The following GALNT18 variants were observed in gnomAD, a reference collection of about 807,000 sequenced individuals.
The protein encoded by GALNT18 is polypeptide N-acetylgalactosaminyltransferase 18.
In GALNT18, 44 loss-of-function variants were observed where a neutral mutation model predicts 69.5. The observed-to-expected ratio is 0.63, with a 90% CI of 0.50 to 0.81. The LOEUF is 0.81. Ranked by LOEUF, GALNT18 falls within the 40% of genes least tolerant of loss-of-function variation. The pLI is 0.00. For missense variants in GALNT18, 715 were observed against 810.0 expected (o/e 0.88, Z 1.42); for synonymous variants, 364 against 318.2 (o/e 1.14, Z -1.53).
chr11:11,356,156 CT>C lies in GALNT18; in HGVS notation c.1093-15153del, dbSNP rs1356949691. Among the ~76,000 whole-genome samples the C allele has an allele frequency of 3.9e-5, 6 of 152,308 alleles. No individual in the cohort carries two copies. The East Asian group carries it at 5.8e-4, about 15-fold the overall frequency. ...AGAACATTTGTATTTGGAGATGCCC[CT>C]GACCCCTCCTTCTGCAACTTCAGAT... On this transcript the variant is annotated intron_variant, in intron 6 of 10. Coordinates refer to ENST00000227756, the MANE Select transcript of GALNT18 (RefSeq NM_198516.3). The surrounding 1 kb of genome is among the most constrained non-coding windows in gnomAD (Gnocchi z 4.4).
chr11:11,530,273 T>C (rs371411256), intron 1 of GALNT18, among the ~76,000 whole-genome samples: 7 of 152,134 alleles, frequency 4.6e-5, no homozygotes, highest in Admixed American at 1.3e-4. Flanking sequence ...TTAAGGCAAT[T>C]TTTTTTAAGT....
chr11:11,349,153 T>C (rs1850354861), intron 6 of GALNT18, among the ~76,000 whole-genome samples: 1 of 152,242 alleles, frequency 6.6e-6, no homozygotes, highest in Admixed American at 6.5e-5. Context: ...TTTATTTTCA[T>C]CACCATAGTG....
chr11:11,464,072 T>G (rs924957439), intron 1 of GALNT18, among the ~76,000 whole-genome samples: 1 of 152,128 alleles, frequency 6.6e-6, no homozygotes, highest in African/African-American at 2.4e-5. Context: ...ACGTCCAAGA[T>G]GTAGTGAATG....
intron 1 of GALNT18, among the ~76,000 whole-genome samples, chr11:11,609,175 C>T (rs560085616): frequency 1.3e-5 from 2 of 152,342 alleles, no homozygotes; most frequent in East Asian, 3.9e-4. Flanking sequence ...CCTCTCTGCT[C>T]ACCCCCTCTG....
In GALNT18 at chr11:11,453,272, C is replaced by T. The variant is rs114192874; in HGVS notation, c.236-4336G>A. 1.9e-3 allele frequency among the ~76,000 whole-genome samples: 292 copies of T among 152,278 alleles called. 2 individuals are homozygous for T. The highest frequency in any genetic ancestry group is 6.9e-3 in the African/African-American group (287 of 41,542). On this transcript the variant is annotated intron_variant, in intron 1 of 10. Transcript: ENST00000227756. ...GCCACGTCCTTCTCTGATCAGAACCCTCCAAGGGCCTTCCGCCACCTTCTT... is the reference window on the plus strand; with the variant it reads ...GCCACGTCCTTCTCTGATCAGAACCTTCCAAGGGCCTTCCGCCACCTTCTT...
intron 1 of GALNT18, among the ~76,000 whole-genome samples, chr11:11,481,222 C>T (rs1856521068): frequency 6.6e-6 from 1 of 152,164 alleles, no homozygotes; most frequent in Non-Finnish European, 1.5e-5. Context: ...TCTGCAAATT[C>T]CCATGAGAAG....
intron 6 of GALNT18, among the ~76,000 whole-genome samples, chr11:11,348,441 G>A (rs1850342157): frequency 6.7e-6 from 1 of 148,174 alleles, no homozygotes; most frequent in African/African-American, 2.5e-5. Context: ...CAACACAAAA[G>A]CCAGAGGCCA....
At position 11,435,094 on chromosome 11, in the gene GALNT18, G is replaced by A. The variant is rs2133799023; in HGVS notation, c.429-2307C>T. Among the ~76,000 whole-genome samples the A allele has an allele frequency of 6.6e-6, 1 of 152,294 alleles. No individual in the cohort carries two copies. The highest frequency in any genetic ancestry group is 2.4e-5 in the African/African-American group (1 of 41,556). ...CAGCTCCCAAGAAGGCCAATGGATT[G>A]GCACAAGTTCACTGTCCTCCCTACT... On this transcript the variant is annotated intron_variant, in intron 2 of 10. Coordinates refer to ENST00000227756, the MANE Select transcript of GALNT18 (RefSeq NM_198516.3). The surrounding 1 kb of genome is among the most constrained non-coding windows in gnomAD (Gnocchi z 4.4).
chr11:11,575,588 G>A (rs1218699901), intron 1 of GALNT18, among the ~76,000 whole-genome samples: 1 of 152,194 alleles, frequency 6.6e-6, no homozygotes, highest in Non-Finnish European at 1.5e-5. Flanking sequence ...TCGGGCAAAC[G>A]TTGAATTGAG....
rs75778376 is a variant in GALNT18 at position 11,584,578 on chromosome 11, C to T, written c.235+36781G>A. On this transcript the variant is annotated intron_variant, in intron 1 of 10. Transcript: ENST00000227756. This position sits in a 1 kb window ranked among gnomAD's most constrained non-coding sequence, Gnocchi z 4.1. ...TGAAACACCCACAGAGAGCCGTTTGCCCCTTGAGATTCCTGAGGAGTGTGG... is the reference window on the plus strand; with the variant it reads ...TGAAACACCCACAGAGAGCCGTTTGTCCCTTGAGATTCCTGAGGAGTGTGG... Among the ~76,000 whole-genome samples, 264 of 152,256 alleles carry T rather than the reference C, an allele frequency of 1.7e-3. 2 individuals are homozygous for T. In the East Asian group the frequency reaches 0.042, roughly 24 times the overall value.
intron 2 of GALNT18, among the ~76,000 whole-genome samples, chr11:11,446,677 C>T (rs1855660328): frequency 6.6e-6 from 1 of 152,232 alleles, no homozygotes. Context: ...CACTGCCTCT[C>T]ACCTGGAAGC....
chr11:11,324,665 G>T (rs932841041), intron 9 of GALNT18, among the ~76,000 whole-genome samples: 1 of 152,088 alleles, frequency 6.6e-6, no homozygotes, highest in Non-Finnish European at 1.5e-5. Context: ...TAGTGATGTA[G>T]AGCATTTTTT....
chr11:11,503,145 C>G (rs1429783554), intron 1 of GALNT18, among the ~76,000 whole-genome samples: 2 of 152,120 alleles, frequency 1.3e-5, no homozygotes, highest in Non-Finnish European at 2.9e-5. Flanking sequence ...GATTTTAGTA[C>G]AAAGAATCGT....
In GALNT18 at chr11:11,413,276, C is replaced by T. The variant is rs767321360; in HGVS notation, c.595+19345G>A. On this transcript the variant is annotated intron_variant, in intron 3 of 10. Transcript: ENST00000227756. This position sits in a 1 kb window ranked among gnomAD's most constrained non-coding sequence, Gnocchi z 4.7. ...GGCTGCTGTGCATGCCTGAGGACCC[C>T]GGTGGGAAGCTCTTCTGCACTGAGT... Among the ~76,000 whole-genome samples, 9 of 152,146 alleles carry T rather than the reference C, an allele frequency of 5.9e-5. No homozygotes were observed. Among genetic ancestry groups the T allele is most frequent in the Non-Finnish European group, 1.2e-4 (8 of 68,030 alleles).
chr11:11,282,343 C>T (rs1330162749), intron 10 of GALNT18, among the ~76,000 whole-genome samples: 1 of 152,208 alleles, frequency 6.6e-6, no homozygotes, highest in East Asian at 1.9e-4. Context: ...GGAATAACAA[C>T]TATCACTTAT....
At position 11,470,022 on chromosome 11, in the gene GALNT18, T is replaced by C. The variant is rs1167262818; in HGVS notation, c.236-21086A>G. On this transcript the variant is annotated intron_variant, in intron 1 of 10. Coordinates refer to ENST00000227756, the MANE Select transcript of GALNT18 (RefSeq NM_198516.3). The surrounding 1 kb of genome is among the most constrained non-coding windows in gnomAD (Gnocchi z 4.8). ...TGCTTGCCTTTGTAACTGCTTCCCATAGGAACCTTTAGAGAAAGACTGTCC... is the reference window on the plus strand; with the variant it reads ...TGCTTGCCTTTGTAACTGCTTCCCACAGGAACCTTTAGAGAAAGACTGTCC... Among the ~76,000 whole-genome samples, 3 of 152,220 alleles carry C rather than the reference T, an allele frequency of 2.0e-5. No homozygotes were observed. The highest frequency in any genetic ancestry group is 1.3e-4 in the Admixed American group (2 of 15,282).
chr11:11,498,222 T>A (rs1248978508), intron 1 of GALNT18, among the ~76,000 whole-genome samples: 1 of 152,238 alleles, frequency 6.6e-6, no homozygotes, highest in Non-Finnish European at 1.5e-5. Flanking sequence ...GCAACTTGAT[T>A]TTTTCTAAGA....
chr11:11,316,858 C>T lies in GALNT18; in HGVS notation c.1512+10228G>A, dbSNP rs1039418110. ...TGTGATCATCTAAGTTCCTGCCTCC[C>T]TCTCCAGACAGGAAGTCCTCCAGGG... On this transcript the variant is annotated intron_variant, in intron 9 of 10. Coordinates refer to ENST00000227756, the MANE Select transcript of GALNT18 (RefSeq NM_198516.3). Among the ~76,000 whole-genome samples the T allele has an allele frequency of 8.5e-5, 13 of 152,310 alleles. No individual in the cohort carries two copies. In the South Asian group the frequency reaches 1.9e-3, roughly 22 times the overall value.
At position 11,341,548 on chromosome 11, in the gene GALNT18, A is replaced by G. The variant is rs1295386324; in HGVS notation, c.1093-544T>C. ...TGGGTTCTGACTGAATCTGAGGGAG[A>G]GCGCTGCAAAGAAGGAAATGATATT... On this transcript the variant is annotated intron_variant, in intron 6 of 10. Transcript: ENST00000227756. This position sits in a 1 kb window ranked among gnomAD's most constrained non-coding sequence, Gnocchi z 6.3. Among the ~76,000 whole-genome samples the G allele has an allele frequency of 6.6e-6, 1 of 152,118 alleles. No homozygotes were observed. The highest frequency in any genetic ancestry group is 1.9e-4 in the East Asian group (1 of 5,164).
Sources: allele counts gnomAD v4.1 joint callset (sites outside exome capture counted in the v4.1 genomes callset), GRCh38; gene constraint gnomAD v4.1.1; non-coding constraint Gnocchi (gnomAD v3.1); transcripts MANE v1.5; gene names NCBI Gene and HGNC (gene_info 2026-07-23, HGNC 2026-07-21).